The following COL4A3 variants were observed in gnomAD, a reference collection of about 807,000 sequenced individuals.
COL4A3 encodes the protein collagen alpha-3(IV) chain.
Under a neutral mutation model 217.4 loss-of-function variants are expected in COL4A3, and 135 were observed. That is an observed-to-expected ratio of 0.62 (90% confidence interval 0.54 to 0.72). The LOEUF is 0.72. Among genes scored for constraint, COL4A3 ranks in the 30% least tolerant of loss-of-function variants. The pLI, the probability that COL4A3 is intolerant of heterozygous loss-of-function variation, is 0.00. For missense variants in COL4A3, 1,868 were observed against 2,119.9 expected (o/e 0.88, Z 2.33); for synonymous variants, 690 against 736.3 (o/e 0.94, Z 1.02).
chr2:227,169,352 C>T (rs1209588255), intron 1 of COL4A3: 8 of 150,924 alleles, frequency 5.3e-5, no homozygotes, highest in African/African-American at 1.5e-4. Context: ...AATAAACATA[C>T]GTGTGCATGT....
chr2:227,249,896 G>C (rs528121001), intron 9 of COL4A3, among the ~76,000 whole-genome samples: 45 of 152,302 alleles, frequency 3.0e-4, no homozygotes, highest in African/African-American at 1.1e-3. Flanking sequence ...ATTAGTCATT[G>C]TGATGATGCT....
intron 1 of COL4A3, among the ~76,000 whole-genome samples, chr2:227,215,196 A>AT (rs1227007002): frequency 6.6e-6 from 1 of 152,030 alleles, no homozygotes; most frequent in Non-Finnish European, 1.5e-5. Flanking sequence ...TTTTTCCCTC[A>AT]TTATGAAATA....
In COL4A3 at chr2:227,280,530, C is replaced by T. The variant is rs766989068; in HGVS notation, c.2314C>T (p.Leu772Phe). ...GNSGEHGEIG[L>F]PGLPGLPGTP... Reference sequence around the variant, plus strand: ...TTCTGGGGAACATGGAGAAATTGGACTCCCTGGACTTCCAGGTCTCCCTGG... The same window carrying T: ...TTCTGGGGAACATGGAGAAATTGGATTCCCTGGACTTCCAGGTCTCCCTGG... The change falls in exon 30 of 52, where the codon CTC becomes TTC. Residue 772 changes from leucine (L) to phenylalanine (F), a missense_variant. Leu to Phe is a conservative substitution (Grantham distance 22). Around this residue, in one of 2 missense-constraint regions of COL4A3, gnomAD observed 1,503 missense variants for 1,786.1 expected, o/e 0.84. Transcript: ENST00000396578. The T allele has an allele frequency of 6.2e-7, 1 of 1,614,098 alleles. No individual in the cohort carries two copies. Among genetic ancestry groups the T allele is most frequent in the South Asian group, 1.1e-5 (1 of 91,080 alleles).
At chr2:227,280,796 T>C (rs2071908550) in intron 30 of COL4A3, 97 bp from the exon 31 acceptor site, 1 of 1,068,412 alleles carries the variant, frequency 9.4e-7, no homozygotes, top group Non-Finnish European at 1.4e-6. Flanking sequence ...TAGATCTGAT[T>C]TAGGTGGAAA....
intron 2 of COL4A3, 114 bp from the exon 3 acceptor site, chr2:227,240,029 A>G: frequency 1.0e-6 from 1 of 975,932 alleles, no homozygotes; most frequent in Non-Finnish European, 1.6e-6. Context: ...CAAGGAAAAA[A>G]CATGCAAAGA....
At position 227,212,328 on chromosome 2, in the gene COL4A3, C is replaced by A. The variant is rs528179513; in HGVS notation, c.88-25640C>A. Among the ~76,000 whole-genome samples the A allele has an allele frequency of 2.6e-5, 4 of 152,156 alleles. No homozygotes were observed. In the South Asian group the frequency reaches 8.3e-4, roughly 32 times the overall value. ...TCCTTTATAGTTTATGTTTTTGCAT[C>A]TTTTTAATGATATCTTTCCCTACCC... On this transcript the variant is annotated intron_variant, in intron 1 of 51. Coordinates refer to ENST00000396578, the MANE Select transcript of COL4A3 (RefSeq NM_000091.5).
At chr2:227,274,836 G>A (rs866527311) in intron 26 of COL4A3, among the ~76,000 whole-genome samples, 1 of 152,076 alleles carries the variant, frequency 6.6e-6, no homozygotes, top group Non-Finnish European at 1.5e-5. Flanking sequence ...ACTAGCAAAC[G>A]GTGGTGGACC....
rs72371878 is a variant in COL4A3, at chr2:227,282,275, A to AATATATATATATATATATAT, written c.2489-83_2489-64dup. 3.9e-5 allele frequency: 13 copies of AATATATATATATATATATAT among 334,840 alleles called. No individual in the cohort carries two copies. Among genetic ancestry groups the AATATATATATATATATATAT allele is most frequent in the African/African-American group, 3.3e-4 (13 of 39,766 alleles). The allele number at this position is 334,840 out of a possible 1,614,324, so 20.7% of individuals were successfully genotyped here. A position where few individuals can be genotyped will look rare whatever the true frequency, so the allele number is the denominator to read the frequency against. ...AGACAGAGGGAGATTCCATCTTAAA[A>AATATATATATATATATATAT]ATATATATATATATATATATATATA... On this transcript the variant is annotated intron_variant, in intron 31 of 51. Transcript: ENST00000396578. The surrounding 1 kb of genome is among the most constrained non-coding windows in gnomAD (Gnocchi z 4.4).
Position 227,314,119 on chromosome 2 carries a change from CA to C in COL4A3, c.*2250del, listed in dbSNP as rs1479584969. ...TGCCTCTTTTTAAAGTTCAAACTCA[CA>C]GGTGACTCTAAGGTTATCTACTTTT... is the stretch of plus-strand genomic sequence containing the variant. On this transcript the variant is annotated 3_prime_UTR_variant, in exon 52 of 52. Coordinates refer to ENST00000396578, the MANE Select transcript of COL4A3 (RefSeq NM_000091.5). The C allele has an allele frequency of 6.6e-6, 1 of 152,666 alleles. No homozygotes were observed. Among genetic ancestry groups the C allele is most frequent in the Non-Finnish European group, 1.5e-5 (1 of 68,050 alleles). The allele number at this position is 152,666 out of a possible 1,614,324, so 9.5% of individuals were successfully genotyped here.
intron 1 of COL4A3, among the ~76,000 whole-genome samples, chr2:227,204,480 CTGA>C (rs371346365): frequency 2.6e-5 from 4 of 152,224 alleles, no homozygotes; most frequent in African/African-American, 9.6e-5. Flanking sequence ...CTTAAACTTT[CTGA>C]TGATGCTCAG....
intron 1 of COL4A3, among the ~76,000 whole-genome samples, chr2:227,177,491 A>G (rs1237174907): frequency 1.3e-5 from 2 of 152,026 alleles, no homozygotes; most frequent in African/African-American, 4.8e-5. Context: ...GTCTATAGAG[A>G]ACTTTATTGT....
chr2:227,226,780 T>C (rs894191668), intron 1 of COL4A3, among the ~76,000 whole-genome samples: 2 of 152,228 alleles, frequency 1.3e-5, no homozygotes, highest in African/African-American at 4.8e-5. Context: ...TCTATCTTAA[T>C]TTTTAATGCA....
chr2:227,206,632 T>C (rs1306223796), intron 1 of COL4A3, among the ~76,000 whole-genome samples: 1 of 151,572 alleles, frequency 6.6e-6, no homozygotes, highest in Non-Finnish European at 1.5e-5. Flanking sequence ...ACCTGAGAAC[T>C]TGTCAGAAAT....
At chr2:227,295,930 C>G (rs2106239870) in intron 41 of COL4A3, among the ~76,000 whole-genome samples, 1 of 152,306 alleles carries the variant, frequency 6.6e-6, no homozygotes, top group African/African-American at 2.4e-5. Flanking sequence ...TTTCCATTTT[C>G]TAGTCAAACC....
chr2:227,221,367 C>T (rs2067774892), intron 1 of COL4A3: 1 of 152,126 alleles, frequency 6.6e-6, no homozygotes, highest in Non-Finnish European at 1.5e-5. Flanking sequence ...TGTCTCTGTG[C>T]TCCTGGAGTC....
chr2:227,253,887 CA>C lies in COL4A3; in HGVS notation c.766-217del, dbSNP rs1177514074. On this transcript the variant is annotated intron_variant, in intron 13 of 51. Transcript: ENST00000396578. This position sits in a 1 kb window ranked among gnomAD's most constrained non-coding sequence, Gnocchi z 4.4. ...AGACTTCATTTAAAAAAAAAAACAACAAAAAAAAGATACTTAAAAAAAAGCT... is the reference window on the plus strand; with the variant it reads ...AGACTTCATTTAAAAAAAAAAACAACAAAAAAAGATACTTAAAAAAAAGCT... 1.3e-5 allele frequency among the ~76,000 whole-genome samples: 2 copies of C among 150,980 alleles called. No individual in the cohort carries two copies. The highest frequency in any genetic ancestry group is 4.9e-5 in the African/African-American group (2 of 41,066).
At chr2:227,221,809 G>A (rs1272359258) in intron 1 of COL4A3, among the ~76,000 whole-genome samples, 1 of 151,682 alleles carries the variant, frequency 6.6e-6, no homozygotes, top group Non-Finnish European at 1.5e-5. Flanking sequence ...CATAATAAAT[G>A]TTTTTTGAAT....
chr2:227,235,893 C>T (rs192049589), intron 1 of COL4A3, among the ~76,000 whole-genome samples: 1 of 151,506 alleles, frequency 6.6e-6, no homozygotes, highest in Admixed American at 6.6e-5. Context: ...CCTGCCTCAG[C>T]TTCCCGAGTA....
intron 43 of COL4A3, among the ~76,000 whole-genome samples, chr2:227,299,470 C>A (rs1164946020): frequency 6.6e-6 from 1 of 152,142 alleles, no homozygotes; most frequent in Non-Finnish European, 1.5e-5. Flanking sequence ...GGGGAAACCA[C>A]CCCCATGATT....
Sources: allele counts gnomAD v4.1 joint callset (sites outside exome capture counted in the v4.1 genomes callset), GRCh38; gene constraint gnomAD v4.1.1; regional missense constraint gnomAD v4.1.1; non-coding constraint Gnocchi (gnomAD v3.1); transcripts MANE v1.5; gene names NCBI Gene and HGNC (gene_info 2026-07-23, HGNC 2026-07-21).